The following JAM3 variants were observed in gnomAD, a reference collection of about 807,000 sequenced individuals.
JAM3 encodes junctional adhesion molecule C.
A neutral mutation model predicts 39.4 loss-of-function variants in JAM3; 31 were observed. The ratio of observed to expected loss-of-function variants is 0.79; its 90% CI spans 0.59 to 1.06. The LOEUF (loss-of-function observed/expected upper bound fraction) is 1.06. JAM3 is among the 50% of genes least tolerant of loss of function. The pLI, the probability that JAM3 is intolerant of heterozygous loss-of-function variation, is 0.00. For synonymous variants in JAM3, 182 were observed against 148.7 expected, an observed-to-expected ratio of 1.22 and a Z score of -1.63; for missense variants, 455 against 391.4, an observed-to-expected ratio of 1.16 and a Z score of -1.37.
chr11:134,085,572 TTA>T (rs374666085), intron 1 of JAM3, among the ~76,000 whole-genome samples: 40 of 152,322 alleles, frequency 2.6e-4, no homozygotes, highest in African/African-American at 9.6e-4. Context: ...ATTCATAACT[TTA>T]TGTTTGTTTT....
intron 1 of JAM3, among the ~76,000 whole-genome samples, chr11:134,120,513 TAA>T (rs762768104): frequency 6.6e-6 from 1 of 152,238 alleles, no homozygotes; most frequent in Non-Finnish European, 1.5e-5. Context: ...CGTGGAAAGC[TAA>T]GACAACCATT....
At chr11:134,084,139 C>A (rs1941709620) in intron 1 of JAM3, among the ~76,000 whole-genome samples, 1 of 152,132 alleles carries the variant, frequency 6.6e-6, no homozygotes. Flanking sequence ...TGAGCATTGC[C>A]ATTTTTCTTC....
chr11:134,087,700 C>G (rs904671160), intron 1 of JAM3, among the ~76,000 whole-genome samples: 12 of 152,274 alleles, frequency 7.9e-5, no homozygotes, highest in African/African-American at 2.9e-4. Context: ...CCAGGTTTTG[C>G]CATGGATTTA....
At position 134,150,065 on chromosome 11, in the gene JAM3, G is replaced by C. The variant is rs1206320972; in HGVS notation, c.*884G>C. On this transcript the variant is annotated 3_prime_UTR_variant, in exon 9 of 9. Transcript: ENST00000299106. ...TTAAGGTAGAAGTTCCAAGCTACTA[G>C]TGTTAAATTGGAAAATATCAATAAT... 1 of 155,770 alleles carries C rather than the reference G, an allele frequency of 6.4e-6. No individual in the cohort carries two copies. Among genetic ancestry groups the C allele is most frequent in the Admixed American group, 6.4e-5 (1 of 15,602 alleles). 9.6% of individuals were successfully genotyped at this position (155,770 alleles called of 1,614,324 possible). A position where few individuals can be genotyped will look rare whatever the true frequency, so the allele number is the denominator to read the frequency against.
At chr11:134,130,788 C>A (rs1453472464) in intron 1 of JAM3, among the ~76,000 whole-genome samples, 1 of 152,194 alleles carries the variant, frequency 6.6e-6, no homozygotes, top group Non-Finnish European at 1.5e-5. Flanking sequence ...ACATTATTTG[C>A]AAATTAATGT....
At position 134,128,298 on chromosome 11, in the gene JAM3, G is replaced by A. The variant is rs867144181; in HGVS notation, c.77-11553G>A. Among the ~76,000 whole-genome samples, 3 of 152,266 alleles carry A rather than the reference G, an allele frequency of 2.0e-5. No individual in the cohort carries two copies. In the Middle Eastern group the frequency reaches 0.01, roughly 518 times the overall value. ...CTCCTGGGAGTGGACCCCAGAGTCT[G>A]TATCATCAGAACTCACCTCTCTCTG... On this transcript the variant is annotated intron_variant, in intron 1 of 8. Transcript: ENST00000299106.
intron 1 of JAM3, among the ~76,000 whole-genome samples, chr11:134,137,364 C>A (rs535871372): frequency 6.6e-6 from 1 of 152,224 alleles, no homozygotes; most frequent in Non-Finnish European, 1.5e-5. Flanking sequence ...ACCATTTTGA[C>A]CAATCAGCCT....
At chr11:134,133,331 T>C (rs1353358393) in intron 1 of JAM3, among the ~76,000 whole-genome samples, 2 of 152,234 alleles carry the variant, frequency 1.3e-5, no homozygotes, top group African/African-American at 4.8e-5. Flanking sequence ...AATATCATGT[T>C]GAATAGAAGT....
chr11:134,144,807 C>T lies in JAM3; in HGVS notation c.425C>T (p.Pro142Leu), dbSNP rs773659895. Reference protein sequence around the residue: ...ELTVQVKPVTPVCRVPKAVPV... With the variant: ...ELTVQVKPVTLVCRVPKAVPV... ...TTCCCCACAGTGAAGCCAGTGACCCCTGTCTGTAGAGTGCCGAAGGCTGTA... is the reference window on the plus strand; with the variant it reads ...TTCCCCACAGTGAAGCCAGTGACCCTTGTCTGTAGAGTGCCGAAGGCTGTA... Residue 142 changes from proline (P) to leucine (L), a missense_variant, in exon 5 of 9, where the codon CCT (proline) becomes CTT (leucine). Physicochemically the swap from Pro to Leu is moderately conservative, Grantham distance 98. Transcript: ENST00000299106. 2.4e-5 allele frequency: 38 copies of T among 1,613,992 alleles called. No individual in the cohort carries two copies. Among genetic ancestry groups the T allele is most frequent in the Non-Finnish European group, 3.1e-5 (37 of 1,179,980 alleles).
Position 134,149,812 on chromosome 11 carries a change from C to CCCTG in JAM3, c.*633_*636dup, listed in dbSNP as rs1309112833. 1.9e-5 allele frequency: 7 copies of CCCTG among 375,404 alleles called. No homozygotes were observed. In the East Asian group the frequency reaches 5.3e-4, roughly 29 times the overall value. The allele number at this position is 375,404 out of a possible 1,614,324, so 23.3% of individuals were successfully genotyped here. On this transcript the variant is annotated 3_prime_UTR_variant, in exon 9 of 9. Coordinates refer to ENST00000299106, the MANE Select transcript of JAM3 (RefSeq NM_032801.5). The stretch of plus-strand genomic sequence containing the variant: ...TGGAAGAGGGATCTTGCCTGAGGAA[C>CCCTG]CCTGCTTGTCCAACAGGGTGTCAGG...
chr11:134,134,301 T>C (rs1428202981), intron 1 of JAM3, among the ~76,000 whole-genome samples: 1 of 144,546 alleles, frequency 6.9e-6, no homozygotes, highest in Non-Finnish European at 1.5e-5. Flanking sequence ...AGAACAAAAA[T>C]ATTTGAAGCA....
rs573680262 is a variant in JAM3, at chr11:134,129,180, C to T, written c.77-10671C>T. ...TGTTGCCCAGGTTGGAGTGCAGTGG[C>T]GTGATCTCGGCTCACTGCAAGCTCC... On this transcript the variant is annotated intron_variant, in intron 1 of 8. Coordinates refer to ENST00000299106, the MANE Select transcript of JAM3 (RefSeq NM_032801.5). Among the ~76,000 whole-genome samples the T allele has an allele frequency of 6.2e-4, 92 of 149,346 alleles. 2 individuals carry two copies. The highest frequency in any genetic ancestry group is 1.7e-3 in the African/African-American group (68 of 40,424).
chr11:134,096,018 C>T (rs1230294830), intron 1 of JAM3, among the ~76,000 whole-genome samples: 1 of 152,052 alleles, frequency 6.6e-6, no homozygotes, highest in Non-Finnish European at 1.5e-5. Flanking sequence ...TTACTCTCAC[C>T]CAGGCTAGAG....
At chr11:134,071,798 C>G (rs1231527439) in intron 1 of JAM3, among the ~76,000 whole-genome samples, 1 of 151,996 alleles carries the variant, frequency 6.6e-6, no homozygotes, top group African/African-American at 2.4e-5. Context: ...AATTATCTGG[C>G]AGATATAATC....
At chr11:134,096,230 C>CA (rs1420748303) in intron 1 of JAM3, among the ~76,000 whole-genome samples, 3 of 152,140 alleles carry the variant, frequency 2.0e-5, no homozygotes, top group African/African-American at 7.2e-5. Context: ...CCTCCTGCCT[C>CA]GGCCTGGGAT....
intron 1 of JAM3, among the ~76,000 whole-genome samples, chr11:134,090,414 T>A (rs1941826223): frequency 6.6e-6 from 1 of 152,216 alleles, no homozygotes; most frequent in African/African-American, 2.4e-5. Context: ...GCCTAGGTTT[T>A]CTTCTAGGGT....
intron 1 of JAM3, among the ~76,000 whole-genome samples, chr11:134,073,371 G>A (rs1941513210): frequency 6.6e-6 from 1 of 152,164 alleles, no homozygotes; most frequent in African/African-American, 2.4e-5. Context: ...AATAGAGTTA[G>A]GACTATATGA....
intron 1 of JAM3, among the ~76,000 whole-genome samples, chr11:134,138,598 C>A (rs1171060207): frequency 6.6e-6 from 1 of 152,224 alleles, no homozygotes; most frequent in Non-Finnish European, 1.5e-5. Context: ...TGGGCGCTTT[C>A]ATTTTGAAGG....
chr11:134,125,218 C>T (rs1004219122), intron 1 of JAM3, among the ~76,000 whole-genome samples: 5 of 152,210 alleles, frequency 3.3e-5, no homozygotes, highest in Non-Finnish European at 5.9e-5. Context: ...CAGCTCCCGC[C>T]CCCTCTTCTC....
Sources: allele counts gnomAD v4.1 joint callset (sites outside exome capture counted in the v4.1 genomes callset), GRCh38; gene constraint gnomAD v4.1.1; transcripts MANE v1.5; gene names NCBI Gene and HGNC (gene_info 2026-07-23, HGNC 2026-07-21).